Variants in CADPS observed in about 807,000 individuals in gnomAD.
CADPS encodes calcium-dependent secretion activator 1.
A neutral mutation model predicts 167.3 loss-of-function variants in CADPS; 57 were observed. That is an observed-to-expected ratio of 0.34 (90% CI 0.28 to 0.42). CADPS has a LOEUF of 0.42. CADPS is among the 20% of genes least tolerant of loss of function. The pLI is 1.00. For missense variants in CADPS, 1,414 were observed against 1,738.1 expected (o/e 0.81, Z 3.32); for synonymous variants, 676 against 635.3 (o/e 1.06, Z -0.96).
chr3:62,723,367 C>T lies in CADPS; in HGVS notation c.888+30074G>A, dbSNP rs917007645. Among the ~76,000 whole-genome samples the T allele has an allele frequency of 3.9e-5, 6 of 152,220 alleles. No individual in the cohort carries two copies. In the East Asian group the frequency reaches 1.2e-3, roughly 30 times the overall value. Reference sequence around the variant, plus strand: ...TCTAAAGCTTTTCCAGTTCAGCGGACCCTGATGCCAGCCTTAAGGTTGCAG... The same window carrying T: ...TCTAAAGCTTTTCCAGTTCAGCGGATCCTGATGCCAGCCTTAAGGTTGCAG... On this transcript the variant is annotated intron_variant, in intron 3 of 29. Transcript: ENST00000383710.
intron 1 of CADPS, among the ~76,000 whole-genome samples, chr3:62,783,163 G>C (rs898088388): frequency 6.6e-6 from 1 of 152,156 alleles, no homozygotes; most frequent in African/African-American, 2.4e-5. Context: ...CTCGCACAAA[G>C]GTGACCTAAG....
intron 8 of CADPS, among the ~76,000 whole-genome samples, chr3:62,571,316 T>C (rs368837379): frequency 6.6e-5 from 10 of 152,328 alleles, no homozygotes; most frequent in African/African-American, 2.4e-4. Context: ...TTGTCAAGTT[T>C]CACTCAGGAA....
intron 13 of CADPS, 130 bp downstream of exon 13, chr3:62,532,740 TG>T: frequency 1.5e-5 from 10 of 654,412 alleles, no homozygotes; most frequent in Admixed American, 2.6e-5. Context: ...TGTGTGTGTG[TG>T]TGTGTGTGTA....
At chr3:62,873,548 A>G (rs2083029666) in intron 1 of CADPS, among the ~76,000 whole-genome samples, 1 of 139,992 alleles carries the variant, frequency 7.1e-6, no homozygotes, top group Admixed American at 7.2e-5. Context: ...ACCCCCCGCC[A>G]CTGCCCCTCA....
In CADPS at chr3:62,491,370, C is replaced by T. The variant is rs771701556; in HGVS notation, c.2995G>A (p.Gly999Ser). The change falls in exon 21 of 30, where the codon GGC (glycine) becomes AGC (serine). Residue 999 changes from glycine (G) to serine (S), a missense_variant. Gly to Ser is a moderately conservative substitution (Grantham distance 56). Transcript: ENST00000383710. ...ESSIAQSIHR[G>S]FERESWEPVK... ...GGTTCCCATGACTCCCGCTCAAAGC[C>T]CCTGTGAATGGATTGTGCAATTGAG... 5.6e-5 allele frequency: 90 copies of T among 1,613,922 alleles called. No individual in the cohort carries two copies. The highest frequency in any genetic ancestry group is 7.5e-5 in the Non-Finnish European group (88 of 1,179,980).
At chr3:62,616,345 G>A (rs1194272825) in intron 6 of CADPS, among the ~76,000 whole-genome samples, 3 of 151,908 alleles carry the variant, frequency 2.0e-5, no homozygotes, top group Admixed American at 6.6e-5. Context: ...TATTGGTTAT[G>A]TTTAGTGTGT....
intron 9 of CADPS, among the ~76,000 whole-genome samples, chr3:62,563,808 T>C (rs2079605232): frequency 6.6e-6 from 1 of 152,236 alleles, no homozygotes; most frequent in Non-Finnish European, 1.5e-5. Context: ...TTTCCATTCC[T>C]GAGTTACTTC....
intron 26 of CADPS, among the ~76,000 whole-genome samples, chr3:62,449,713 CA>C (rs1201060750): frequency 6.6e-6 from 1 of 152,028 alleles, no homozygotes; most frequent in African/African-American, 2.4e-5. Context: ...TTTTGATGAA[CA>C]AAACGCAAAT....
At chr3:62,657,525 G>T (rs1579797808) in intron 4 of CADPS, among the ~76,000 whole-genome samples, 1 of 152,234 alleles carries the variant, frequency 6.6e-6, no homozygotes, top group Admixed American at 6.5e-5. Flanking sequence ...TTAATTCCTG[G>T]GTGAAATTTG....
At position 62,875,179 on chromosome 3, in the gene CADPS, G is replaced by T; in HGVS notation, c.-150C>A. On this transcript the variant is annotated 5_prime_UTR_variant, in exon 1 of 30. Transcript: ENST00000383710. ...GCGCTGCTGCTCAGCCTCGGCCGCC[G>T]CGACTGATCCTCTGCCCGGCGGTCG... is the stretch of plus-strand genomic sequence containing the variant. 3.7e-6 allele frequency: 4 copies of T among 1,067,498 alleles called. No homozygotes were observed. Among genetic ancestry groups the T allele is most frequent in the Non-Finnish European group, 4.8e-6 (4 of 830,652 alleles). The allele number at this position is 1,067,498 out of a possible 1,614,324, so 66.1% of individuals were successfully genotyped here. A position where few individuals can be genotyped will look rare whatever the true frequency, so the allele number is the denominator to read the frequency against.
chr3:62,833,932 T>A (rs1559839867), intron 1 of CADPS, among the ~76,000 whole-genome samples: 1 of 152,166 alleles, frequency 6.6e-6, no homozygotes, highest in Non-Finnish European at 1.5e-5. Flanking sequence ...TAGGTACACA[T>A]ACATGTGCAT....
At chr3:62,605,249 A>C (rs2060531963) in intron 6 of CADPS, among the ~76,000 whole-genome samples, 1 of 4,022 alleles carries the variant, frequency 2.5e-4, no homozygotes. Flanking sequence ...GAGGGGAAAA[A>C]CAAAAAAAAA....
chr3:62,803,184 T>A (rs944803913), intron 1 of CADPS, among the ~76,000 whole-genome samples: 2 of 152,054 alleles, frequency 1.3e-5, no homozygotes, highest in African/African-American at 4.8e-5. Context: ...AGTGGGTAGA[T>A]CCACAAGATC....
intron 11 of CADPS, among the ~76,000 whole-genome samples, chr3:62,548,781 G>A: frequency 6.6e-6 from 1 of 152,304 alleles, no homozygotes; most frequent in African/African-American, 2.4e-5. Context: ...AAATATCTGT[G>A]GGGCTGACTA....
At chr3:62,866,958 G>A (rs1189241478) in intron 1 of CADPS, among the ~76,000 whole-genome samples, 2 of 152,010 alleles carry the variant, frequency 1.3e-5, no homozygotes, top group Non-Finnish European at 2.9e-5. Context: ...AGTCCACAGA[G>A]TTAGAGGTCT....
At chr3:62,824,312 C>T (rs1447404300) in intron 1 of CADPS, among the ~76,000 whole-genome samples, 1 of 152,056 alleles carries the variant, frequency 6.6e-6, no homozygotes, top group East Asian at 1.9e-4. Flanking sequence ...TTATCATCAG[C>T]TAAAAAATGG....
chr3:62,641,245 G>A (rs1309232133), intron 6 of CADPS, among the ~76,000 whole-genome samples: 1 of 152,178 alleles, frequency 6.6e-6, no homozygotes, highest in Non-Finnish European at 1.5e-5. Flanking sequence ...AGAAGGCTCT[G>A]AGACTGAGAC....
chr3:62,606,622 T>C (rs2060730049), intron 6 of CADPS, among the ~76,000 whole-genome samples: 2 of 152,164 alleles, frequency 1.3e-5, no homozygotes, highest in South Asian at 2.1e-4. Context: ...CACCAGAAAA[T>C]AGACCAAGAC....
chr3:62,664,828 G>C (rs570528975), intron 3 of CADPS, among the ~76,000 whole-genome samples: 3 of 152,324 alleles, frequency 2.0e-5, no homozygotes, highest in Admixed American at 1.3e-4. Flanking sequence ...TCTCCCACTG[G>C]CTTCATAGAA....
Sources: allele counts gnomAD v4.1 joint callset (sites outside exome capture counted in the v4.1 genomes callset), GRCh38; gene constraint gnomAD v4.1.1; transcripts MANE v1.5; gene names NCBI Gene and HGNC (gene_info 2026-07-23, HGNC 2026-07-21).